The following ASAP2 variants were observed in gnomAD, a reference collection of about 807,000 sequenced individuals.
ASAP2 encodes ArfGAP with SH3 domain, ankyrin repeat and PH domain 2.
Under a neutral mutation model 131.4 loss-of-function variants are expected in ASAP2, and 45 were observed. The observed-to-expected ratio is 0.34, with a 90% CI of 0.27 to 0.44. The LOEUF is 0.44. ASAP2 is among the 20% of genes least tolerant of loss of function. The probability of loss-of-function intolerance (pLI) is 1.00; values close to 1 mark genes in which losing one functional copy is unlikely to be tolerated. For missense variants in ASAP2, 1,011 were observed against 1,297.0 expected (o/e 0.78, Z 3.39); for synonymous variants, 510 against 503.0 (o/e 1.01, Z -0.19).
chr2:9,362,209 C>T (rs186618951), intron 15 of ASAP2, among the ~76,000 whole-genome samples: 6 of 152,180 alleles, frequency 3.9e-5, no homozygotes, highest in African/African-American at 1.4e-4. Flanking sequence ...TGCAGGGCCT[C>T]GGCTGACTTG....
chr2:9,219,438 A>G (rs1218991173), intron 1 of ASAP2, among the ~76,000 whole-genome samples: 1 of 152,198 alleles, frequency 6.6e-6, no homozygotes, highest in East Asian at 1.9e-4. Context: ...GATTTGGACT[A>G]GATGTTCTCT....
chr2:9,367,027 A>ATTT (rs1171661319), intron 15 of ASAP2, among the ~76,000 whole-genome samples: 3 of 132,946 alleles, frequency 2.3e-5, no homozygotes, highest in Admixed American at 1.5e-4. Flanking sequence ...TGCCTGCATA[A>ATTT]TTTTTTTTTT....
At chr2:9,274,955 A>T (rs2148283327) in intron 1 of ASAP2, among the ~76,000 whole-genome samples, 2 of 152,302 alleles carry the variant, frequency 1.3e-5, no homozygotes, top group South Asian at 2.1e-4. Context: ...GGTGTGTCCC[A>T]TGACATAATA....
chr2:9,254,033 C>T (rs77123349), intron 1 of ASAP2, among the ~76,000 whole-genome samples: 1 of 150,444 alleles, frequency 6.6e-6, no homozygotes, highest in Admixed American at 6.7e-5. Flanking sequence ...TAGTGAAACC[C>T]CGTCTCTACT....
chr2:9,208,153 TC>T (rs1163232747), intron 1 of ASAP2, among the ~76,000 whole-genome samples: 1 of 152,164 alleles, frequency 6.6e-6, no homozygotes, highest in East Asian at 1.9e-4. Flanking sequence ...TAGTAATGCA[TC>T]CTTTCCAGGA....
chr2:9,394,726 C>T (rs562519181), intron 24 of ASAP2, among the ~76,000 whole-genome samples: 5 of 152,326 alleles, frequency 3.3e-5, no homozygotes, highest in Admixed American at 3.3e-4. Context: ...AGTAACAAAC[C>T]ACACCAGACT....
chr2:9,334,921 C>T (rs2148563623), intron 8 of ASAP2, 108 bp downstream of exon 8: 1 of 1,404,624 alleles, frequency 7.1e-7, no homozygotes, highest in Non-Finnish European at 1.0e-6. Flanking sequence ...GTGCCGCCCA[C>T]GTGGAGTGTG....
chr2:9,271,618 A>G, intron 1 of ASAP2: 1 of 1,096,888 alleles, frequency 9.1e-7, no homozygotes, highest in Non-Finnish European at 1.3e-6. Context: ...GAGGTTCTGG[A>G]TAGTGGACAT....
intron 3 of ASAP2, among the ~76,000 whole-genome samples, chr2:9,304,972 G>T (rs1384164249): frequency 6.7e-6 from 1 of 150,050 alleles, no homozygotes; most frequent in Non-Finnish European, 1.5e-5. Flanking sequence ...GTAATAGTGG[G>T]GTATAGATAT....
At chr2:9,308,290 G>A (rs58519058) in intron 3 of ASAP2, among the ~76,000 whole-genome samples, 5,765 of 152,248 alleles carry the variant, frequency 0.038, 267 homozygotes, top group African/African-American at 0.1. Context: ...TCGCATGGCC[G>A]TGGGCAGGGG....
chr2:9,390,967 G>C (rs946555078), intron 22 of ASAP2, 95 bp from the exon 23 acceptor site: 1 of 1,583,774 alleles, frequency 6.3e-7, no homozygotes, highest in East Asian at 2.2e-5. Flanking sequence ...TCATAAGGGG[G>C]AGGATCAATA....
chr2:9,283,129 G>A (rs1007221068), intron 2 of ASAP2, among the ~76,000 whole-genome samples: 1 of 152,084 alleles, frequency 6.6e-6, no homozygotes, highest in Admixed American at 6.5e-5. Context: ...CCAGGCTGGA[G>A]TGCAGTGGCA....
At chr2:9,365,852 G>A (rs1049048605) in intron 15 of ASAP2, among the ~76,000 whole-genome samples, 1 of 152,182 alleles carries the variant, frequency 6.6e-6, no homozygotes, top group African/African-American at 2.4e-5. Flanking sequence ...CAGACGAGGG[G>A]CTCAGAGTGT....
intron 3 of ASAP2, among the ~76,000 whole-genome samples, chr2:9,309,949 G>C (rs1034290068): frequency 2.6e-5 from 4 of 152,224 alleles, no homozygotes; most frequent in Admixed American, 1.3e-4. Context: ...CACACATGTT[G>C]TAGGCCGTGA....
At chr2:9,291,306 T>C (rs1457565194) in intron 2 of ASAP2, among the ~76,000 whole-genome samples, 2 of 152,226 alleles carry the variant, frequency 1.3e-5, no homozygotes, top group Non-Finnish European at 2.9e-5. Flanking sequence ...AAATATGTTT[T>C]CAGCCGTTTA....
At chr2:9,210,774 G>T (rs994211128) in intron 1 of ASAP2, among the ~76,000 whole-genome samples, 1 of 151,850 alleles carries the variant, frequency 6.6e-6, no homozygotes, top group African/African-American at 2.4e-5. Flanking sequence ...CAGGATGGTC[G>T]ATGGTCTAGA....
chr2:9,375,087 T>C lies in ASAP2; in HGVS notation c.1746+143T>C, dbSNP rs1308091448. 1.1e-5 allele frequency: 5 copies of C among 454,072 alleles called. No homozygotes were observed. The East Asian group carries it at 1.5e-4, about 14-fold the overall frequency. The allele number at this position is 454,072 out of a possible 1,614,324, so 28.1% of individuals were successfully genotyped here. On this transcript the variant is annotated intron_variant, in intron 17 of 27. Transcript: ENST00000281419. ...GAGTTTGAGATCAGCCTGGGCACCA[T>C]AGGGAGGCCCCATCTCTACAAAAAA... is the stretch of plus-strand genomic sequence containing the variant.
At chr2:9,239,029 C>T (rs1354210132) in intron 1 of ASAP2, among the ~76,000 whole-genome samples, 4 of 152,194 alleles carry the variant, frequency 2.6e-5, no homozygotes, top group Non-Finnish European at 5.9e-5. Context: ...CTCCCAGCCC[C>T]TCTCTGTCCC....
intron 1 of ASAP2, among the ~76,000 whole-genome samples, chr2:9,260,120 G>A (rs1490284482): frequency 6.6e-6 from 1 of 152,226 alleles, no homozygotes; most frequent in East Asian, 1.9e-4. Context: ...CCAACCTGGG[G>A]ACTCTCCAAC....
Sources: allele counts gnomAD v4.1 joint callset (sites outside exome capture counted in the v4.1 genomes callset), GRCh38; gene constraint gnomAD v4.1.1; transcripts MANE v1.5; gene names NCBI Gene and HGNC (gene_info 2026-07-23, HGNC 2026-07-21).